Variants in CCDC171 observed in about 807,000 individuals in gnomAD.
CCDC171 encodes the protein coiled-coil domain containing 171, also known as coiled-coil domain-containing protein 171.
In CCDC171, 177 loss-of-function variants were observed where a neutral mutation model predicts 168.2. The ratio of observed to expected loss-of-function variants is 1.05; its 90% confidence interval spans 0.93 to 1.19. The LOEUF (loss-of-function observed/expected upper bound fraction) is 1.19. Among genes scored for constraint, CCDC171 ranks in the 50% most tolerant of loss-of-function variants. The pLI, the probability that CCDC171 is intolerant of heterozygous loss-of-function variation, is 0.00. For missense variants in CCDC171, 1,991 were observed against 1,539.0 expected, an observed-to-expected ratio of 1.29 and a Z score of -4.91; for synonymous variants, 687 against 540.8, an observed-to-expected ratio of 1.27 and a Z score of -3.75.
At chr9:15,704,707 T>C (rs531740444) in intron 11 of CCDC171, among the ~76,000 whole-genome samples, 2 of 152,348 alleles carry the variant, frequency 1.3e-5, no homozygotes, top group South Asian at 4.1e-4. Flanking sequence ...TAAGAAACTT[T>C]CCGATGCACA....
chr9:15,894,847 T>TA (rs1213379512), intron 24 of CCDC171, among the ~76,000 whole-genome samples: 1 of 152,138 alleles, frequency 6.6e-6, no homozygotes, highest in African/African-American at 2.4e-5. Context: ...CCTGACGTAA[T>TA]ATGTTTGGCT....
At chr9:15,597,727 C>T (rs1258961400) in intron 6 of CCDC171, among the ~76,000 whole-genome samples, 4 of 152,148 alleles carry the variant, frequency 2.6e-5, no homozygotes, top group East Asian at 3.8e-4. Context: ...ATGGTACCAG[C>T]TCCTCCTTGT....
intron 10 of CCDC171, among the ~76,000 whole-genome samples, chr9:15,686,529 T>TA (rs948167099): frequency 2.7e-5 from 4 of 148,686 alleles, no homozygotes; most frequent in Non-Finnish European, 4.5e-5. Context: ...AATAAAAAAA[T>TA]AAAAAAAAGA....
intron 6 of CCDC171, among the ~76,000 whole-genome samples, chr9:15,610,122 T>G (rs1409292379): frequency 2.0e-5 from 3 of 152,132 alleles, no homozygotes; most frequent in Non-Finnish European, 4.4e-5. Context: ...CCTTGTTTCA[T>G]GTTTGTAATG....
At position 15,883,955 on chromosome 9, in the gene CCDC171, G is replaced by A. The variant is rs866025494; in HGVS notation, c.3600+9292G>A. Among the ~76,000 whole-genome samples, 8 of 152,304 alleles carry A rather than the reference G, an allele frequency of 5.3e-5. 1 individual carries two copies. In the Middle Eastern group the frequency reaches 0.014, roughly 259 times the overall value. On this transcript the variant is annotated intron_variant, in intron 24 of 25. Transcript: ENST00000380701. ...ATGCAACTTTGCTAGAAAGTAGTAGGACTGGCAATAAAGCAGTTGAAATCC... is the reference window on the plus strand; with the variant it reads ...ATGCAACTTTGCTAGAAAGTAGTAGAACTGGCAATAAAGCAGTTGAAATCC...
intron 3 of CCDC171, among the ~76,000 whole-genome samples, chr9:15,994,489 A>G (rs941386040): frequency 1.3e-5 from 2 of 152,212 alleles, no homozygotes; most frequent in Non-Finnish European, 2.9e-5. Context: ...AATGTAAATG[A>G]CGAGTTAATG....
intron 10 of CCDC171, among the ~76,000 whole-genome samples, chr9:15,694,658 A>AT (rs1425050284): frequency 2.6e-5 from 4 of 152,146 alleles, no homozygotes. Context: ...ATCCAGTTCA[A>AT]TCCAGTCCAA....
At chr9:15,590,795 T>C (rs1475183124) in intron 4 of CCDC171, among the ~76,000 whole-genome samples, 6 of 147,800 alleles carry the variant, frequency 4.1e-5, no homozygotes, top group African/African-American at 1.5e-4. Flanking sequence ...CTTTCTTTCT[T>C]TCTTTCTTTC....
chr9:16,063,669 T>C (rs1033723988), downstream of CCDC171, among the ~76,000 whole-genome samples: 1 of 148,090 alleles, frequency 6.8e-6, no homozygotes, highest in African/African-American at 2.5e-5. Flanking sequence ...TGGATCTGCA[T>C]GTGCCTTTTG....
chr9:15,989,123 C>T (rs146815232), intron 3 of CCDC171, among the ~76,000 whole-genome samples: 2,727 of 152,268 alleles, frequency 0.018, 93 homozygotes, highest in African/African-American at 0.063. Context: ...AATGGACAGA[C>T]TGCCTCCTCA....
chr9:16,095,899 T>TATATATATATATACACAC, the CCDC171 span, among the ~76,000 whole-genome samples: 1 of 140,202 alleles, frequency 7.1e-6, no homozygotes, highest in African/African-American at 2.7e-5. Context: ...TATATATATA[T>TATATATATATATACACAC]ACTGCCTCCA....
intron 17 of CCDC171, 98 bp downstream of exon 17, chr9:15,744,875 T>G: frequency 1.8e-6 from 2 of 1,104,010 alleles, no homozygotes; most frequent in Non-Finnish European, 2.5e-6. Flanking sequence ...AAAAATCATG[T>G]AATATGCCAA....
chr9:15,664,571 C>CACACACACACACACAT (rs2048579149), intron 8 of CCDC171, among the ~76,000 whole-genome samples: 1 of 151,652 alleles, frequency 6.6e-6, no homozygotes, highest in Non-Finnish European at 1.5e-5. Flanking sequence ...AATTTATACA[C>CACACACACACACACAT]ACACACACAC....
intron 24 of CCDC171, among the ~76,000 whole-genome samples, chr9:15,892,620 T>C (rs1320937543): frequency 1.3e-5 from 2 of 151,966 alleles, no homozygotes; most frequent in African/African-American, 4.8e-5. Flanking sequence ...AAAATCGGTG[T>C]GCAAAAATCA....
chr9:15,994,090 A>G (rs1832292836), intron 3 of CCDC171, among the ~76,000 whole-genome samples: 1 of 152,216 alleles, frequency 6.6e-6, no homozygotes, highest in Non-Finnish European at 1.5e-5. Context: ...ATTGCTATGT[A>G]TATACCGAAA....
chr9:16,100,985 A>G, the CCDC171 span, among the ~76,000 whole-genome samples: 1 of 152,192 alleles, frequency 6.6e-6, no homozygotes, highest in Non-Finnish European at 1.5e-5. Flanking sequence ...TGCTGCACAC[A>G]GCCTGGGAAC....
intron 4 of CCDC171, among the ~76,000 whole-genome samples, chr9:15,590,771 C>CTCTTTCTTTCTT (rs71506031): frequency 0.015 from 1,787 of 122,574 alleles, 21 homozygotes; most frequent in Non-Finnish European, 0.016. Context: ...TTCTTTCTTT[C>CTCTTTCTTTCTT]TCTTTCTTTC....
At chr9:15,927,275 G>A (rs1290034301) in intron 25 of CCDC171, among the ~76,000 whole-genome samples, 5 of 151,592 alleles carry the variant, frequency 3.3e-5, no homozygotes, top group African/African-American at 4.8e-5. Flanking sequence ...CTGCTCCAGA[G>A]CTTTTATCTT....
intron 1 of CCDC171, among the ~76,000 whole-genome samples, chr9:16,051,154 A>T (rs1432452296): frequency 6.6e-6 from 1 of 152,222 alleles, no homozygotes; most frequent in East Asian, 1.9e-4. Flanking sequence ...AATAATTTAT[A>T]AAATTATTGT....
Sources: allele counts gnomAD v4.1 joint callset (sites outside exome capture counted in the v4.1 genomes callset), GRCh38; gene constraint gnomAD v4.1.1; transcripts MANE v1.5; gene names NCBI Gene and HGNC (gene_info 2026-07-23, HGNC 2026-07-21).